USP53: variants seen among roughly 807,000 people sequenced by gnomAD.
The protein encoded by USP53 is ubiquitin carboxyl-terminal hydrolase 53.
Under a neutral mutation model 94.9 loss-of-function variants are expected in USP53, and 71 were observed. The observed-to-expected ratio is 0.75, with a 90% CI of 0.62 to 0.91. USP53 has a LOEUF of 0.91. Ranked by LOEUF, USP53 falls within the 40% of genes least tolerant of loss-of-function variation. The probability of loss-of-function intolerance (pLI) is 0.00; values close to 1 mark genes in which losing one functional copy is unlikely to be tolerated. For synonymous variants in USP53, 375 were observed against 422.7 expected (o/e 0.89, Z 1.39); for missense variants, 1,173 against 1,281.0 (o/e 0.92, Z 1.29).
chr4:119,257,271 G>A (rs1287878130), intron 9 of USP53, among the ~76,000 whole-genome samples: 3 of 152,152 alleles, frequency 2.0e-5, no homozygotes, highest in South Asian at 2.1e-4. Flanking sequence ...GTGTAACCCC[G>A]TCTCTACTAA....
At chr4:119,213,660 A>ATATATATATATATATATG in intron 1 of USP53, among the ~76,000 whole-genome samples, 26 of 117,776 alleles carry the variant, frequency 2.2e-4, no homozygotes, top group African/African-American at 5.8e-4. Context: ...ATATATATAT[A>ATATATATATATATATATG]TGTGTGTGTG....
chr4:119,271,195 C>T (rs1461550991), intron 15 of USP53, 101 bp from the exon 16 acceptor site: 7 of 1,471,088 alleles, frequency 4.8e-6, no homozygotes, highest in Non-Finnish European at 6.3e-6. Context: ...TACTATTTAC[C>T]TAAAACTCTT....
At chr4:119,267,263 G>A in intron 12 of USP53, 57 bp from the exon 13 acceptor site, 1 of 1,536,040 alleles carries the variant, frequency 6.5e-7, no homozygotes, top group South Asian at 1.2e-5. Context: ...GTCTTTTCAT[G>A]TAACACATTG....
In USP53 at chr4:119,274,257, C is replaced by T. The variant is rs1020873812; in HGVS notation, c.2251+549C>T. Reference sequence around the variant, plus strand: ...TGCTATCCCTCCCCCCTCCCCCCACCCCACCGCAGTCCCCAGAGTGTGATA... The same window carrying T: ...TGCTATCCCTCCCCCCTCCCCCCACTCCACCGCAGTCCCCAGAGTGTGATA... On this transcript the variant is annotated intron_variant, in intron 17 of 18. Coordinates refer to ENST00000692078, the MANE Select transcript of USP53 (RefSeq NM_001371395.1). Among the ~76,000 whole-genome samples, 31 of 122,366 alleles carry T rather than the reference C, an allele frequency of 2.5e-4. 1 individual carries two copies. Among genetic ancestry groups the T allele is most frequent in the African/African-American group, 9.5e-4 (31 of 32,752 alleles). The allele number at this position is 122,366 out of a possible 152,430, so 80.3% of individuals were successfully genotyped here.
chr4:119,258,572 G>T (rs78287189), intron 9 of USP53, among the ~76,000 whole-genome samples: 4,189 of 152,270 alleles, frequency 0.028, 73 homozygotes, highest in South Asian at 0.071. Context: ...AAAACAGAGA[G>T]GTTTAATTGA....
chr4:119,272,976 A>G (rs1029176497), intron 16 of USP53: 3 of 152,196 alleles, frequency 2.0e-5, no homozygotes, highest in African/African-American at 7.2e-5. Context: ...GCAAAAATCA[A>G]CTGCTCATGT....
intron 17 of USP53, among the ~76,000 whole-genome samples, 182 bp from the exon 18 acceptor site, chr4:119,290,983 T>C (rs1754691380): frequency 6.6e-6 from 1 of 152,150 alleles, no homozygotes; most frequent in Non-Finnish European, 1.5e-5. Context: ...GCATAAAGCA[T>C]TCCAAAAAGA....
chr4:119,249,526 A>C (rs1179002896), intron 7 of USP53, among the ~76,000 whole-genome samples: 2 of 152,090 alleles, frequency 1.3e-5, no homozygotes, highest in Non-Finnish European at 2.9e-5. Flanking sequence ...TAGTCAGCAA[A>C]GTTTGTAAAT....
rs965171704 is a variant in USP53, at chr4:119,259,295, A to AG, written c.570-517dup. On this transcript the variant is annotated intron_variant, in intron 9 of 18. Coordinates refer to ENST00000692078, the MANE Select transcript of USP53 (RefSeq NM_001371395.1). ...GACCCCATCTCAAAAAAAAAAAAAA[A>AG]GGGGGGGGAGTAATATTCAAAATAA... 3.3e-4 allele frequency among the ~76,000 whole-genome samples: 44 copies of AG among 133,582 alleles called. 1 individual carries two copies. Among genetic ancestry groups the AG allele is most frequent in the Admixed American group, 5.2e-4 (7 of 13,410 alleles). The allele number at this position is 133,582 out of a possible 152,430, so 87.6% of individuals were successfully genotyped here.
intron 9 of USP53, among the ~76,000 whole-genome samples, chr4:119,258,889 C>A (rs1750105452): frequency 6.6e-6 from 1 of 152,128 alleles, no homozygotes; most frequent in Non-Finnish European, 1.5e-5. Context: ...TTACTTAATA[C>A]CCTGATACAT....
At chr4:119,227,087 C>T (rs1745350575) in intron 3 of USP53, among the ~76,000 whole-genome samples, 1 of 152,154 alleles carries the variant, frequency 6.6e-6, no homozygotes, top group African/African-American at 2.4e-5. Context: ...CCACCTCAGC[C>T]TCTCAAAGTA....
chr4:119,231,230 G>A (rs558214448), intron 3 of USP53, among the ~76,000 whole-genome samples: 3 of 152,194 alleles, frequency 2.0e-5, no homozygotes, highest in Non-Finnish European at 2.9e-5. Flanking sequence ...AATTCACAGC[G>A]AACACCCTGT....
At chr4:119,238,353 G>A (rs998064511) in intron 4 of USP53, among the ~76,000 whole-genome samples, 1 of 152,150 alleles carries the variant, frequency 6.6e-6, no homozygotes, top group South Asian at 2.1e-4. Context: ...GAGTAGGGAG[G>A]CCTGAGGAAA....
chr4:119,252,423 T>G (rs1300500077), intron 7 of USP53, among the ~76,000 whole-genome samples: 2 of 152,216 alleles, frequency 1.3e-5, no homozygotes, highest in Non-Finnish European at 2.9e-5. Context: ...CTGTTATTGG[T>G]CTACTCAGAG....
chr4:119,227,299 A>ACACACACACACACACACACACACACACAC (rs1491380548), intron 3 of USP53, among the ~76,000 whole-genome samples: 47 of 145,772 alleles, frequency 3.2e-4, no homozygotes, highest in African/African-American at 4.3e-4. Context: ...ACACACACAC[A>ACACACACACACACACACACACACACACAC]AACTTGAAAT....
chr4:119,280,584 A>G (rs1213062501), intron 17 of USP53, among the ~76,000 whole-genome samples: 1 of 152,226 alleles, frequency 6.6e-6, no homozygotes, highest in Non-Finnish European at 1.5e-5. Context: ...TTTATGAGTA[A>G]TGATGAGGGA....
intron 3 of USP53, chr4:119,220,024 C>T (rs1744289508): frequency 6.6e-6 from 1 of 152,002 alleles, no homozygotes. Flanking sequence ...TGATATTAAG[C>T]ACTTAATAAA....
chr4:119,213,639 T>TAG (rs1167286443), intron 1 of USP53, among the ~76,000 whole-genome samples: 2 of 112,954 alleles, frequency 1.8e-5, no homozygotes, highest in African/African-American at 7.2e-5. Flanking sequence ...TATCTGGAAA[T>TAG]AGATATATAT....
rs1442025821 is a variant in USP53 at position 119,294,324 on chromosome 4, G to T, written c.*1113G>T. On this transcript the variant is annotated 3_prime_UTR_variant, in exon 19 of 19. Transcript: ENST00000692078. ...ATAGAGAGTTTAATTTTAATAAAAT[G>T]TTTAATTAGAGCATCCTTCCCTTTT... The T allele has an allele frequency of 6.6e-6, 1 of 152,044 alleles. No individual in the cohort carries two copies. The highest frequency in any genetic ancestry group is 1.5e-5 in the Non-Finnish European group (1 of 67,934). The allele number at this position is 152,044 out of a possible 1,614,324, so 9.4% of individuals were successfully genotyped here.
Sources: allele counts gnomAD v4.1 joint callset (sites outside exome capture counted in the v4.1 genomes callset), GRCh38; gene constraint gnomAD v4.1.1; transcripts MANE v1.5; gene names NCBI Gene and HGNC (gene_info 2026-07-23, HGNC 2026-07-21).